CA12: variants seen among roughly 807,000 people sequenced by gnomAD.
CA12 encodes the protein carbonate dehydratase XII.
Under a neutral mutation model 46.8 loss-of-function variants are expected in CA12, and 36 were observed. The ratio of observed to expected loss-of-function variants is 0.77; its 90% CI spans 0.59 to 1.02. The LOEUF (loss-of-function observed/expected upper bound fraction) is 1.02, where lower values mean the gene tolerates loss of function less well. Ranked by LOEUF, CA12 falls within the 50% of genes least tolerant of loss-of-function variation. The pLI is 0.00. For missense variants in CA12, 436 were observed against 451.4 expected, an observed-to-expected ratio of 0.97 and a Z score of 0.31; for synonymous variants, 202 against 187.0, an observed-to-expected ratio of 1.08 and a Z score of -0.65.
At chr15:63,364,875 C>G (rs2039418621) in intron 2 of CA12, among the ~76,000 whole-genome samples, 1 of 152,258 alleles carries the variant, frequency 6.6e-6, no homozygotes, top group African/African-American at 2.4e-5. Context: ...TCCTGCACCT[C>G]TTTCAGCCCT....
Position 63,345,769 on chromosome 15 carries a change from T to C in CA12, c.287-150A>G, listed in dbSNP as rs2039139646. 9.3e-7 allele frequency: 1 copy of C among 1,069,710 alleles called. No homozygotes were observed. The highest frequency in any genetic ancestry group is 1.6e-5 in the African/African-American group (1 of 64,100). The allele number at this position is 1,069,710 out of a possible 1,614,324, so 66.3% of individuals were successfully genotyped here. A position where few individuals can be genotyped will look rare whatever the true frequency, so the allele number is the denominator to read the frequency against. ...GATGGAGTGAGGTGCGGAGCAGAGATGCAGCCTAAAGGTCAGACACCTGGG... is the reference window on the plus strand; with the variant it reads ...GATGGAGTGAGGTGCGGAGCAGAGACGCAGCCTAAAGGTCAGACACCTGGG... On this transcript the variant is annotated intron_variant, in intron 3 of 10. Coordinates refer to ENST00000178638, the MANE Select transcript of CA12 (RefSeq NM_001218.5). The surrounding 1 kb of genome is among the most constrained non-coding windows in gnomAD (Gnocchi z 4.3).
chr15:63,349,772 T>C (rs762223291), intron 2 of CA12, among the ~76,000 whole-genome samples: 3 of 152,156 alleles, frequency 2.0e-5, no homozygotes, highest in Non-Finnish European at 4.4e-5. Flanking sequence ...CCCCACGCTG[T>C]CCTTGAAGAC....
In CA12 at chr15:63,329,626, C is replaced by A. The variant is rs2038910421; in HGVS notation, c.875-1496G>T. On this transcript the variant is annotated intron_variant, in intron 8 of 10. Coordinates refer to ENST00000178638, the MANE Select transcript of CA12 (RefSeq NM_001218.5). The surrounding 1 kb of genome is among the most constrained non-coding windows in gnomAD (Gnocchi z 4.8). Reference sequence around the variant, plus strand: ...GAAGGGGTATTTGTTCTAACTCACACTGGGAGCCACAGTTGTACAGATGGT... The same window carrying A: ...GAAGGGGTATTTGTTCTAACTCACAATGGGAGCCACAGTTGTACAGATGGT... Among the ~76,000 whole-genome samples the A allele has an allele frequency of 6.6e-6, 1 of 152,206 alleles. No homozygotes were observed. The highest frequency in any genetic ancestry group is 2.4e-5 in the African/African-American group (1 of 41,448).
chr15:63,339,232 A>G lies in CA12; in HGVS notation c.748-287T>C, dbSNP rs2039044227. Among the ~76,000 whole-genome samples the G allele has an allele frequency of 7.8e-6, 1 of 128,116 alleles. No individual in the cohort carries two copies. The highest frequency in any genetic ancestry group is 1.6e-5 in the Non-Finnish European group (1 of 60,736). 84.0% of individuals were successfully genotyped at this position (128,116 alleles called of 152,430 possible). A position where few individuals can be genotyped will look rare whatever the true frequency, so the allele number is the denominator to read the frequency against. ...TATACCTGGAATCTGCCCTGCGTGG[A>G]GGGAAACCTGGGGTGATGGAGTGCT... On this transcript the variant is annotated intron_variant, in intron 7 of 10. Coordinates refer to ENST00000178638, the MANE Select transcript of CA12 (RefSeq NM_001218.5). This position sits in a 1 kb window ranked among gnomAD's most constrained non-coding sequence, Gnocchi z 4.3.
At chr15:63,377,223 G>A (rs2039588986) in intron 1 of CA12, among the ~76,000 whole-genome samples, 1 of 152,142 alleles carries the variant, frequency 6.6e-6, no homozygotes, top group Non-Finnish European at 1.5e-5. Context: ...TGTCTCAGGT[G>A]ACTCATCCAA....
chr15:63,361,244 GT>G (rs2039359688), intron 2 of CA12, among the ~76,000 whole-genome samples: 1 of 152,252 alleles, frequency 6.6e-6, no homozygotes, highest in Non-Finnish European at 1.5e-5. Flanking sequence ...GAGATGCTCT[GT>G]TTAATGATAC....
chr15:63,340,340 G>A lies in CA12; in HGVS notation c.695C>T (p.Pro232Leu). 1 of 1,614,192 alleles carries A rather than the reference G, an allele frequency of 6.2e-7. No homozygotes were observed. Among genetic ancestry groups the A allele is most frequent in the Non-Finnish European group, 8.5e-7 (1 of 1,180,042 alleles). ...RGSLTTPPCNPTVLWTVFRNP... is the reference protein window; with the variant it reads ...RGSLTTPPCNLTVLWTVFRNP... ...TCGGAAAACTGTCCAGAGCACAGTG[G>A]GGTTGCAAGGGGGTGTGGTCAGGGA... Residue 232 changes from proline (P) to leucine (L), a missense_variant, in exon 7 of 11, where the codon CCC becomes CTC. Transcript: ENST00000178638. This position sits in a 1 kb window ranked among gnomAD's most constrained non-coding sequence, Gnocchi z 4.4.
chr15:63,343,148 C>T (rs1170006348), intron 4 of CA12, among the ~76,000 whole-genome samples: 2 of 152,042 alleles, frequency 1.3e-5, no homozygotes, highest in Non-Finnish European at 2.9e-5. Flanking sequence ...AGGTCCTAAG[C>T]CCCTATTTCC....
chr15:63,380,633 C>A (rs1863982994), intron 1 of CA12, among the ~76,000 whole-genome samples: 1 of 152,188 alleles, frequency 6.6e-6, no homozygotes, highest in Non-Finnish European at 1.5e-5. Flanking sequence ...GCACATCATG[C>A]CAGCTAGTTG....
intron 2 of CA12, among the ~76,000 whole-genome samples, chr15:63,358,076 T>C (rs2039315640): frequency 6.6e-6 from 1 of 152,256 alleles, no homozygotes; most frequent in African/African-American, 2.4e-5. Flanking sequence ...ATTTGGTTAT[T>C]CATTCATAGG....
At chr15:63,375,109 G>A (rs1467821064) in intron 2 of CA12, among the ~76,000 whole-genome samples, 1 of 152,174 alleles carries the variant, frequency 6.6e-6, no homozygotes, top group Non-Finnish European at 1.5e-5. Context: ...CAAGCACACT[G>A]GTGCTCCTCT....
chr15:63,374,907 C>A lies in CA12; in HGVS notation c.106+751G>T, dbSNP rs1360389797. ...TGCATCTTCTGTGGCTGTGCCCCAACAAGACATTATCAACATTCCCGCACT... is the reference window on the plus strand; with the variant it reads ...TGCATCTTCTGTGGCTGTGCCCCAAAAAGACATTATCAACATTCCCGCACT... On this transcript the variant is annotated intron_variant, in intron 2 of 10. Coordinates refer to ENST00000178638, the MANE Select transcript of CA12 (RefSeq NM_001218.5). This position sits in a 1 kb window ranked among gnomAD's most constrained non-coding sequence, Gnocchi z 4.4. 6.6e-6 allele frequency among the ~76,000 whole-genome samples: 1 copy of A among 152,178 alleles called. No individual in the cohort carries two copies. The highest frequency in any genetic ancestry group is 1.5e-5 in the Non-Finnish European group (1 of 68,038).
chr15:63,363,731 G>A (rs1419807371), intron 2 of CA12, among the ~76,000 whole-genome samples: 1 of 152,240 alleles, frequency 6.6e-6, no homozygotes, highest in Non-Finnish European at 1.5e-5. Flanking sequence ...ACAGTTATGT[G>A]GCAGGAAACA....
intron 2 of CA12, among the ~76,000 whole-genome samples, chr15:63,357,002 G>C (rs1050397026): frequency 6.6e-6 from 1 of 152,196 alleles, no homozygotes; most frequent in Non-Finnish European, 1.5e-5. Context: ...TTGTTTAGCC[G>C]TAAAAAGGCT....
rs184985934 is a variant in CA12, at chr15:63,372,024, A to T, written c.106+3634T>A. ...AGACCATAAGCAAACAGCTGGATGA[A>T]TGCTCAAAAACTGACTGCAGCACCC... On this transcript the variant is annotated intron_variant, in intron 2 of 10. Coordinates refer to ENST00000178638, the MANE Select transcript of CA12 (RefSeq NM_001218.5). This position sits in a 1 kb window ranked among gnomAD's most constrained non-coding sequence, Gnocchi z 4.5. Among the ~76,000 whole-genome samples the T allele has an allele frequency of 1.3e-3, 198 of 152,282 alleles. No individual in the cohort carries two copies. The highest frequency in any genetic ancestry group is 2.1e-3 in the Non-Finnish European group (142 of 68,014).
In CA12 at chr15:63,339,783, G is replaced by T. The variant is rs2039051537; in HGVS notation, c.747+505C>A. Among the ~76,000 whole-genome samples, 1 of 152,210 alleles carries T rather than the reference G, an allele frequency of 6.6e-6. No homozygotes were observed. Among genetic ancestry groups the T allele is most frequent in the Non-Finnish European group, 1.5e-5 (1 of 68,040 alleles). ...TCTCAGCTTTGTCACTAACCCGCGG[G>T]TGATCCCACAGACTTCTACTCTTCT... On this transcript the variant is annotated intron_variant, in intron 7 of 10. Transcript: ENST00000178638. The surrounding 1 kb of genome is among the most constrained non-coding windows in gnomAD (Gnocchi z 4.3).
intron 2 of CA12, among the ~76,000 whole-genome samples, chr15:63,347,715 A>G (rs1205163493): frequency 6.6e-6 from 1 of 152,216 alleles, no homozygotes; most frequent in African/African-American, 2.4e-5. Context: ...CGGTAATTAA[A>G]CAGACTTTCA....
chr15:63,354,382 C>T (rs2152620996), intron 2 of CA12, among the ~76,000 whole-genome samples: 1 of 152,276 alleles, frequency 6.6e-6, no homozygotes, highest in Non-Finnish European at 1.5e-5. Flanking sequence ...TCTAAAGATG[C>T]TTTAATCCAT....
chr15:63,370,919 C>T (rs561441901), intron 2 of CA12, among the ~76,000 whole-genome samples: 1 of 152,270 alleles, frequency 6.6e-6, no homozygotes, highest in East Asian at 1.9e-4. Context: ...GGCCAAGCCT[C>T]CCTCCCTTTG....
Sources: allele counts gnomAD v4.1 joint callset (sites outside exome capture counted in the v4.1 genomes callset), GRCh38; gene constraint gnomAD v4.1.1; non-coding constraint Gnocchi (gnomAD v3.1); transcripts MANE v1.5; gene names NCBI Gene and HGNC (gene_info 2026-07-23, HGNC 2026-07-21).